The following CIAO2A variants were observed in gnomAD, a reference collection of about 807,000 sequenced individuals.
CIAO2A encodes cytosolic iron-sulfur assembly component 2A, also known as MIP18 family protein FAM96A.
A neutral mutation model predicts 22.4 loss-of-function variants in CIAO2A; 17 were observed. The ratio of observed to expected loss-of-function variants is 0.76; its 90% CI spans 0.52 to 1.14. The LOEUF (loss-of-function observed/expected upper bound fraction) is 1.14. Among genes scored for constraint, CIAO2A ranks in the 50% most tolerant of loss-of-function variants. The pLI is 0.00. For synonymous variants in CIAO2A, 74 were observed against 72.3 expected, an observed-to-expected ratio of 1.02 and a Z score of -0.12; for missense variants, 192 against 191.4, an observed-to-expected ratio of 1.00 and a Z score of -0.02.
In CIAO2A at chr15:64,072,993, C is replaced by G; in HGVS notation, c.421G>C (p.Ala141Pro). Residue 141 changes from alanine to proline, a missense_variant, in exon 5 of 5, where the codon GCT (alanine) becomes CCT (proline). Physicochemically the swap from Ala to Pro is conservative, Grantham distance 27. Transcript: ENST00000300030. ...KQINDKERVA[A>P]AMENPNLREI... ...CGTAAGTTGGGGTTTTCCATTGCAG[C>G]TGCCACTCGCTCTTTGTCATTTATC... is the stretch of plus-strand genomic sequence containing the variant. 1 of 1,613,880 alleles carries G rather than the reference C, an allele frequency of 6.2e-7. No individual in the cohort carries two copies. The highest frequency in any genetic ancestry group is 1.7e-5 in the Admixed American group (1 of 59,998).
chr15:64,072,945 G>C lies in CIAO2A; in HGVS notation c.469C>G (p.Leu157Val). 1 of 1,612,392 alleles carries C rather than the reference G, an allele frequency of 6.2e-7. No individual in the cohort carries two copies. The highest frequency in any genetic ancestry group is 1.1e-5 in the South Asian group (1 of 90,974). ...TAAAACAGCTATCAGTCAGGTTCAA[G>C]GACACACTGTTCCACAATTTCCCGT... ...NLREIVEQCV[L>V]EPD The change falls in exon 5 of 5, where the codon CTT (leucine) becomes GTT (valine). Residue 157 changes from leucine (L) to valine (V), a missense_variant. By Grantham distance (32) the Leu-to-Val change is conservative. Coordinates refer to ENST00000300030, the MANE Select transcript of CIAO2A (RefSeq NM_032231.7).
intron 1 of CIAO2A, among the ~76,000 whole-genome samples, chr15:64,091,244 G>C (rs951814779): frequency 6.6e-6 from 1 of 152,176 alleles, no homozygotes; most frequent in African/African-American, 2.4e-5. Flanking sequence ...ACTTTGGGAG[G>C]CTGAGGCAAG....
intron 2 of CIAO2A, among the ~76,000 whole-genome samples, chr15:64,085,952 C>G (rs2080791429): frequency 6.6e-6 from 1 of 151,746 alleles, no homozygotes; most frequent in Non-Finnish European, 1.5e-5. Context: ...TCATGATCTG[C>G]CCGCCTCGGC....
intron 1 of CIAO2A, among the ~76,000 whole-genome samples, chr15:64,090,857 A>G (rs868278203): frequency 6.6e-6 from 1 of 152,232 alleles, no homozygotes; most frequent in African/African-American, 2.4e-5. Context: ...AATTGAAAAT[A>G]TAAGTTGGGA....
intron 1 of CIAO2A, 25 bp from the exon 2 acceptor site, chr15:64,088,876 A>G: frequency 6.3e-7 from 1 of 1,590,564 alleles, no homozygotes; most frequent in Non-Finnish European, 8.5e-7. Context: ...GAGATAAGAT[A>G]TTCTATTAAA....
At chr15:64,081,323 A>T (rs1253534592) in intron 2 of CIAO2A, among the ~76,000 whole-genome samples, 172 bp from the exon 3 acceptor site, 1 of 152,160 alleles carries the variant, frequency 6.6e-6, no homozygotes, top group Non-Finnish European at 1.5e-5. Context: ...GAAATTTAAT[A>T]TATAATCTTA....
rs769800607 is a variant in CIAO2A at position 64,088,853 on chromosome 15, T to C, written c.125-2A>G. 2 of 1,603,902 alleles carry C rather than the reference T, an allele frequency of 1.2e-6. No individual in the cohort carries two copies. The highest frequency in any genetic ancestry group is 2.3e-5 in the South Asian group (2 of 88,228). On this transcript the variant is annotated splice_acceptor_variant, in intron 1 of 4. Coordinates refer to ENST00000300030, the MANE Select transcript of CIAO2A (RefSeq NM_032231.7). LOFTEE classifies it high-confidence loss of function. ...GGTCCCGGATAGTTCTAATCAAATC[T>C]AAAGAATCATCAGAGATAAGATATT...
intron 3 of CIAO2A, among the ~76,000 whole-genome samples, chr15:64,077,312 AAAC>A (rs2080726787): frequency 6.6e-6 from 1 of 152,016 alleles, no homozygotes; most frequent in East Asian, 1.9e-4. Flanking sequence ...AAACAAAACA[AAAC>A]AAAACAAAAC....
At chr15:64,085,408 GGATCACTT>G (rs2080786262) in intron 2 of CIAO2A, among the ~76,000 whole-genome samples, 1 of 152,100 alleles carries the variant, frequency 6.6e-6, no homozygotes, top group Non-Finnish European at 1.5e-5. Context: ...TGAGGTGGGA[GGATCACTT>G]GAGCCCGGGA....
At chr15:64,085,889 T>G (rs1240654137) in intron 2 of CIAO2A, among the ~76,000 whole-genome samples, 2 of 151,770 alleles carry the variant, frequency 1.3e-5, no homozygotes, top group Non-Finnish European at 2.9e-5. Flanking sequence ...TTTGCATTTT[T>G]GGTAGAGACA....
At chr15:64,088,594 T>C in intron 2 of CIAO2A, 93 bp downstream of exon 2, 1 of 1,054,192 alleles carries the variant, frequency 9.5e-7, no homozygotes, top group South Asian at 1.8e-5. Flanking sequence ...TGTATGGTTT[T>C]TCAACAATGA....
At chr15:64,082,814 T>C (rs898326491) in intron 2 of CIAO2A, among the ~76,000 whole-genome samples, 3 of 152,212 alleles carry the variant, frequency 2.0e-5, no homozygotes, top group Non-Finnish European at 4.4e-5. Flanking sequence ...TGAGATACTT[T>C]GGGTTTCAAA....
chr15:64,077,600 C>T (rs1199626534), intron 3 of CIAO2A, among the ~76,000 whole-genome samples: 6 of 152,092 alleles, frequency 3.9e-5, no homozygotes, highest in African/African-American at 1.4e-4. Context: ...GTATTCTTGC[C>T]AAAAATGCAC....
At chr15:64,082,568 G>C (rs1469199375) in intron 2 of CIAO2A, among the ~76,000 whole-genome samples, 2 of 152,058 alleles carry the variant, frequency 1.3e-5, no homozygotes, top group Non-Finnish European at 2.9e-5. Context: ...ATAAATATTA[G>C]AGAATTCTAA....
intron 1 of CIAO2A, among the ~76,000 whole-genome samples, chr15:64,092,063 CAAAAAAAAAAA>C (rs35475525): frequency 3.1e-5 from 2 of 63,718 alleles, no homozygotes; most frequent in African/African-American, 1.2e-4. Flanking sequence ...GACCCTGTCT[CAAAAAAAAAAA>C]AAAAAAAAAA....
At chr15:64,075,398 A>G (rs2080709412) in intron 4 of CIAO2A, 94 bp downstream of exon 4, 6 of 759,522 alleles carry the variant, frequency 7.9e-6, no homozygotes, top group African/African-American at 3.7e-5. Flanking sequence ...TTTTGAAAGT[A>G]ACCCAGTAGA....
At chr15:64,079,566 G>GA (rs2080745635) in intron 3 of CIAO2A, among the ~76,000 whole-genome samples, 1 of 152,158 alleles carries the variant, frequency 6.6e-6, no homozygotes. Flanking sequence ...GAACATATGA[G>GA]ATGGGAGGAA....
chr15:64,087,499 G>T (rs2080807171), intron 2 of CIAO2A, among the ~76,000 whole-genome samples: 1 of 152,064 alleles, frequency 6.6e-6, no homozygotes, highest in Non-Finnish European at 1.5e-5. Flanking sequence ...AAAGTGCTGG[G>T]ATTACAGGTG....
In CIAO2A at chr15:64,078,049, A is replaced by G. The variant is rs559885991; in HGVS notation, c.340-2512T>C. Among the ~76,000 whole-genome samples the G allele has an allele frequency of 5.3e-5, 8 of 152,324 alleles. No individual in the cohort carries two copies. The East Asian group carries it at 1.5e-3, about 29-fold the overall frequency. On this transcript the variant is annotated intron_variant, in intron 3 of 4. Coordinates refer to ENST00000300030, the MANE Select transcript of CIAO2A (RefSeq NM_032231.7). ...TTAATGATAAACCAAATGTGGCAAA[A>G]TGTTAACAATTAGTGAATCTGAATC...
Sources: gnomAD v4.1 joint callset for allele counts (sites outside exome capture counted in the v4.1 genomes callset) on GRCh38, gnomAD v4.1.1 for gene constraint, MANE v1.5 for transcripts, NCBI Gene and HGNC (gene_info 2026-07-23, HGNC 2026-07-21) for gene names.